The following PLB1 variants were observed in gnomAD, a reference collection of about 807,000 sequenced individuals.
PLB1 encodes the protein phospholipase B1, membrane-associated.
A neutral mutation model predicts 227.4 loss-of-function variants in PLB1; 242 were observed. The ratio of observed to expected loss-of-function variants is 1.06; its 90% CI spans 0.96 to 1.18. The LOEUF (loss-of-function observed/expected upper bound fraction) is 1.18, where lower values mean the gene tolerates loss of function less well. PLB1 is among the 50% of genes most tolerant of loss of function. The probability of loss-of-function intolerance (pLI) is 0.00; values close to 1 mark genes in which losing one functional copy is unlikely to be tolerated. For missense variants in PLB1, 1,858 were observed against 1,816.3 expected (o/e 1.02, Z -0.42); for synonymous variants, 757 against 682.2 (o/e 1.11, Z -1.71).
intron 31 of PLB1, among the ~76,000 whole-genome samples, chr2:28,592,369 A>T (rs1202863870): frequency 7.1e-6 from 1 of 141,648 alleles, no homozygotes; most frequent in Non-Finnish European, 1.5e-5. Flanking sequence ...CCTCCCTCCC[A>T]CCTTTCCCTT....
chr2:28,603,207 A>G (rs1684173535), intron 39 of PLB1, among the ~76,000 whole-genome samples: 4 of 152,204 alleles, frequency 2.6e-5, no homozygotes, highest in Admixed American at 2.6e-4. Context: ...GATAGCCTAG[A>G]CTGTGAACAT....
At chr2:28,635,109 C>T (rs1158067788) in intron 56 of PLB1, among the ~76,000 whole-genome samples, 1 of 152,096 alleles carries the variant, frequency 6.6e-6, no homozygotes, top group Non-Finnish European at 1.5e-5. Flanking sequence ...GGTTCCCCAG[C>T]CATTATTATC....
intron 17 of PLB1, among the ~76,000 whole-genome samples, chr2:28,557,243 A>G (rs1358157901): frequency 1.3e-5 from 2 of 152,154 alleles, no homozygotes; most frequent in Admixed American, 6.5e-5. Context: ...CCTGTCACAG[A>G]GTCACTTAGC....
chr2:28,598,741 G>A lies in PLB1; in HGVS notation c.2455G>A (p.Val819Ile). Residue 819 changes from valine (V) to isoleucine (I), a missense_variant, in exon 35 of 58, where the codon GTT (valine) becomes ATT (isoleucine). Val to Ile is a conservative substitution (Grantham distance 29). Coordinates refer to ENST00000327757, the MANE Select transcript of PLB1 (RefSeq NM_153021.5). Reference sequence around the variant, plus strand: ...CACGAATGCATTCCTCAATCAAGCTGTTCCCGGAGCAAAGGCTGAGTATGG... The same window carrying A: ...CACGAATGCATTCCTCAATCAAGCTATTCCCGGAGCAAAGGCTGAGTATGG... The part of the protein sequence containing the change: ...NDTNAFLNQA[V>I]PGAKAEDLMS... 6.2e-7 allele frequency: 1 copy of A among 1,614,058 alleles called. No homozygotes were observed. The highest frequency in any genetic ancestry group is 8.5e-7 in the Non-Finnish European group (1 of 1,179,872).
intron 14 of PLB1, among the ~76,000 whole-genome samples, chr2:28,544,912 G>GA (rs1673014039): frequency 6.6e-6 from 1 of 152,212 alleles, no homozygotes; most frequent in African/African-American, 2.4e-5. Flanking sequence ...AGAGAAGCTG[G>GA]AGAGGGCAGG....
Position 28,552,947 on chromosome 2 carries a change from T to C in PLB1, c.1103T>C (p.Ile368Thr). The change falls in exon 17 of 58, where the codon ATC becomes ACC. Residue 368 changes from isoleucine (I) to threonine (T), a missense_variant. Ile to Thr is a moderately conservative substitution (Grantham distance 89). Transcript: ENST00000327757. ...TTTCAGGTAAGAGAAGGAGCGGAAA[T>C]CAGATGTCCTGACAAAGACCCCTCC... The part of the protein sequence containing the change: ...DKLEVREGAE[I>T]RCPDKDPSDT... The C allele has an allele frequency of 6.2e-7, 1 of 1,614,016 alleles. No homozygotes were observed. Among genetic ancestry groups the C allele is most frequent in the Non-Finnish European group, 8.5e-7 (1 of 1,179,902 alleles).
chr2:28,543,294 G>A, intron 14 of PLB1, 26 bp downstream of exon 14: 1 of 1,604,818 alleles, frequency 6.2e-7, no homozygotes. Context: ...CTGGGGTGGG[G>A]CCCACAGAGG....
At chr2:28,552,269 A>T (rs1674376408) in intron 16 of PLB1, among the ~76,000 whole-genome samples, 2 of 152,286 alleles carry the variant, frequency 1.3e-5, no homozygotes, top group African/African-American at 4.8e-5. Context: ...TGGGAGGGTG[A>T]GCAAATAGAA....
chr2:28,523,735 A>G (rs1010068427), intron 4 of PLB1, among the ~76,000 whole-genome samples: 3 of 152,190 alleles, frequency 2.0e-5, no homozygotes, highest in Non-Finnish European at 4.4e-5. Context: ...AATTACCAGA[A>G]GCAAATTGAT....
chr2:28,526,485 G>A (rs1204202815), intron 6 of PLB1, among the ~76,000 whole-genome samples: 1 of 152,068 alleles, frequency 6.6e-6, no homozygotes, highest in Non-Finnish European at 1.5e-5. Context: ...TAGCATTTTG[G>A]CCTTTTGATT....
chr2:28,550,155 C>A, intron 16 of PLB1, 71 bp downstream of exon 16: 3 of 1,199,968 alleles, frequency 2.5e-6, no homozygotes, highest in Non-Finnish European at 3.5e-6. Context: ...CTGAATCTTT[C>A]GAACCTTCCA....
Position 28,561,268 on chromosome 2 carries a change from A to G in PLB1, c.1148-1773A>G, listed in dbSNP as rs531335517. On this transcript the variant is annotated intron_variant, in intron 17 of 57. Transcript: ENST00000327757. ...ACCCAGCCACTGCTTCGTGTTCAAC[A>G]TGTTTGTCCTGTGAGTTAATAGCTG... Among the ~76,000 whole-genome samples the G allele has an allele frequency of 2.2e-3, 328 of 152,328 alleles. 2 individuals are homozygous for G. The highest frequency in any genetic ancestry group is 6.8e-3 in the Middle Eastern group (2 of 294).
intron 23 of PLB1, among the ~76,000 whole-genome samples, chr2:28,581,540 T>C (rs1172274906): frequency 7.5e-6 from 1 of 133,762 alleles, no homozygotes; most frequent in African/African-American, 3.0e-5. Flanking sequence ...TAAATAAAAT[T>C]AAAAAAAGAG....
At chr2:28,552,508 G>T (rs1482453589) in intron 16 of PLB1, among the ~76,000 whole-genome samples, 4 of 152,092 alleles carry the variant, frequency 2.6e-5, no homozygotes, top group African/African-American at 9.7e-5. Context: ...TAGGCTCTGG[G>T]GACACAATAA....
intron 50 of PLB1, among the ~76,000 whole-genome samples, chr2:28,625,669 C>T (rs959151751): frequency 6.6e-6 from 1 of 152,190 alleles, no homozygotes; most frequent in African/African-American, 2.4e-5. Context: ...GTCTCCTTCC[C>T]CCGACCCTAA....
chr2:28,527,274 C>T (rs1451000096), intron 6 of PLB1, among the ~76,000 whole-genome samples: 2 of 152,188 alleles, frequency 1.3e-5, no homozygotes, highest in Non-Finnish European at 2.9e-5. Flanking sequence ...CCAGAGGTCC[C>T]GCAGAAAGCA....
rs1309227721 is a variant in PLB1 at position 28,591,777 on chromosome 2, A to G, written c.2188+17A>G. 6.2e-7 allele frequency: 1 copy of G among 1,613,026 alleles called. No homozygotes were observed. The highest frequency in any genetic ancestry group is 8.5e-7 in the Non-Finnish European group (1 of 1,179,640). On this transcript the variant is annotated intron_variant, in intron 31 of 57. Coordinates refer to ENST00000327757, the MANE Select transcript of PLB1 (RefSeq NM_153021.5). The stretch of plus-strand genomic sequence containing the variant: ...CTACCTCAGGTAAGCCCCCTATGGC[A>G]CAGCAGGACCCAGGGCCCCTCCACA...
intron 21 of PLB1, among the ~76,000 whole-genome samples, chr2:28,577,296 A>T (rs923518643): frequency 6.6e-6 from 1 of 152,120 alleles, no homozygotes; most frequent in African/African-American, 2.4e-5. Flanking sequence ...TCCATTTTGT[A>T]GTCTTTTTGA....
Position 28,643,891 on chromosome 2 carries a change from G to A in PLB1, c.*830G>A, listed in dbSNP as rs2148358175. On this transcript the variant is annotated 3_prime_UTR_variant, in exon 58 of 58. Transcript: ENST00000327757. ...TCTGAGGGAAAACTAGAGAGAGTCT[G>A]AAAATATGGGCTGCATTCACTGAGC... 1 of 152,354 alleles carries A rather than the reference G, an allele frequency of 6.6e-6. No individual in the cohort carries two copies. Among genetic ancestry groups the A allele is most frequent in the East Asian group, 1.9e-4 (1 of 5,190 alleles). 9.4% of individuals were successfully genotyped at this position (152,354 alleles called of 1,614,324 possible).
Sources: allele counts gnomAD v4.1 joint callset (sites outside exome capture counted in the v4.1 genomes callset), GRCh38; gene constraint gnomAD v4.1.1; transcripts MANE v1.5; gene names NCBI Gene and HGNC (gene_info 2026-07-23, HGNC 2026-07-21).